Variants in EPS8L2 observed in about 807,000 individuals in gnomAD.
The protein encoded by EPS8L2 is epidermal growth factor receptor kinase substrate 8-like protein 2.
In EPS8L2, 81 loss-of-function variants were observed where a neutral mutation model predicts 99.4. That is an observed-to-expected ratio of 0.82 (90% CI 0.68 to 0.98). The LOEUF (loss-of-function observed/expected upper bound fraction) is 0.98. Among genes scored for constraint, EPS8L2 ranks in the 50% least tolerant of loss-of-function variants. The pLI is 0.00. For missense variants in EPS8L2, 1,155 were observed against 968.8 expected (o/e 1.19, Z -2.55); for synonymous variants, 509 against 407.3 (o/e 1.25, Z -3.01).
chr11:722,767 TG>T lies in EPS8L2; in HGVS notation c.1306del (p.Glu436ArgfsTer13). The T allele has an allele frequency of 6.2e-7, 1 of 1,601,432 alleles. No individual in the cohort carries two copies. Among genetic ancestry groups the T allele is most frequent in the Non-Finnish European group, 8.5e-7 (1 of 1,175,476 alleles). On this transcript the variant is annotated frameshift_variant, in exon 14 of 21. Coordinates refer to ENST00000318562, the MANE Select transcript of EPS8L2 (RefSeq NM_022772.4). LOFTEE classifies it high-confidence loss of function. ...TGTGGATGTGCTGCAGGAGGCCCCC[TG>T]GGAGGTGGAGGGGCTGGCGTCTGCC... ...PPVDVLQEAPWEVEGLASAPI... is the reference protein window; with the variant it reads ...PPVDVLQEAPXEVEGLASAPI...
Position 721,159 on chromosome 11 carries a change from C to T in EPS8L2, c.653C>T (p.Pro218Leu), listed in dbSNP as rs1354789697. The T allele has an allele frequency of 5.3e-5, 81 of 1,535,928 alleles. No homozygotes were observed. The highest frequency in any genetic ancestry group is 6.5e-5 in the Non-Finnish European group (74 of 1,143,532). The change falls in exon 8 of 21, where the codon CCG becomes CTG. Residue 218 changes from proline to leucine, a missense_variant. Physicochemically the swap from Pro to Leu is moderately conservative, Grantham distance 98. Transcript: ENST00000318562. Reference protein sequence around the residue: ...IPFQHRGGDSPEAKNRVGPQV... With the variant: ...IPFQHRGGDSLEAKNRVGPQV... ...TTCCAGCACCGCGGCGGGGATTCCC[C>T]GGAGGCCAAGAATCGCGTGGGCCCG... is the stretch of plus-strand genomic sequence containing the variant.
In EPS8L2 at chr11:722,010, G is replaced by A; in HGVS notation, c.984+19G>A. 2.5e-6 allele frequency: 4 copies of A among 1,606,602 alleles called. No homozygotes were observed. In the East Asian group the frequency reaches 6.7e-5, roughly 27 times the overall value. Reference sequence around the variant, plus strand: ...CTTGCTGGTGGGTCCGGTGGCCCCAGCCCTGCCCCACTGTCTGTGCTGAGG... The same window carrying A: ...CTTGCTGGTGGGTCCGGTGGCCCCAACCCTGCCCCACTGTCTGTGCTGAGG... On this transcript the variant is annotated intron_variant, in intron 11 of 20. Transcript: ENST00000318562.
At chr11:722,376 C>T (rs773416304) in intron 12 of EPS8L2, 25 bp from the exon 13 acceptor site, 3 of 1,608,154 alleles carry the variant, frequency 1.9e-6, no homozygotes, top group Non-Finnish European at 2.5e-6. Context: ...GGCCTCAGTC[C>T]CCTCTGAACC....
intron 1 of EPS8L2, chr11:706,571 C>T: frequency 6.6e-6 from 1 of 152,444 alleles, no homozygotes; most frequent in Non-Finnish European, 1.5e-5. Flanking sequence ...GGGTGACTCA[C>T]CTGCCCCGTC....
chr11:725,244 G>A (rs1193647777), intron 16 of EPS8L2, among the ~76,000 whole-genome samples: 6 of 152,242 alleles, frequency 3.9e-5, no homozygotes, highest in African/African-American at 7.2e-5. Context: ...CTGGCTCGGC[G>A]GCTCACGCCT....
chr11:723,545 T>C (rs575979334), intron 15 of EPS8L2, among the ~76,000 whole-genome samples, 192 bp downstream of exon 15: 119 of 152,254 alleles, frequency 7.8e-4, no homozygotes, highest in Non-Finnish European at 1.4e-3. Flanking sequence ...ATTTCAAAAG[T>C]CATGCACAAA....
intron 4 of EPS8L2, among the ~76,000 whole-genome samples, chr11:712,480 G>A (rs1446443163): frequency 2.0e-5 from 3 of 151,168 alleles, no homozygotes; most frequent in Non-Finnish European, 4.4e-5. Flanking sequence ...TGGGCTCCCG[G>A]TTGTCGTCCA....
chr11:726,769 C>G lies in EPS8L2; in HGVS notation c.2067+18C>G, dbSNP rs903535044. 3 of 1,584,016 alleles carry G rather than the reference C, an allele frequency of 1.9e-6. No individual in the cohort carries two copies. In the South Asian group the frequency reaches 3.4e-5, roughly 18 times the overall value. On this transcript the variant is annotated intron_variant, in intron 20 of 20. Coordinates refer to ENST00000318562, the MANE Select transcript of EPS8L2 (RefSeq NM_022772.4). Reference sequence around the variant, plus strand: ...TCCTGGAGGTGAGCCCGCCTGCGCTCCGGCGCCACGCCCCTCCTGCCCCTG... The same window carrying G: ...TCCTGGAGGTGAGCCCGCCTGCGCTGCGGCGCCACGCCCCTCCTGCCCCTG...
rs191801066 is a variant in EPS8L2 at position 718,604 on chromosome 11, C to T, written c.166-1458C>T. ...GGCTCAAGCATTCCTCCCACTTCAG[C>T]CTCCCAAGTAGCTGGGATGACAGGT... On this transcript the variant is annotated intron_variant, in intron 4 of 20. Transcript: ENST00000318562. Among the ~76,000 whole-genome samples, 893 of 151,640 alleles carry T rather than the reference C, an allele frequency of 5.9e-3. 4 individuals are homozygous for T. The highest frequency in any genetic ancestry group is 0.021 in the African/African-American group (859 of 41,364).
intron 1 of EPS8L2, chr11:708,850 G>C (rs1462371700): frequency 6.0e-6 from 1 of 165,958 alleles, no homozygotes; most frequent in East Asian, 1.9e-4. Flanking sequence ...GTGGCGGCTA[G>C]AGCCGGGCTC....
intron 3 of EPS8L2, chr11:710,208 G>T: frequency 1.8e-6 from 1 of 562,220 alleles, no homozygotes; most frequent in Admixed American, 3.0e-5. Context: ...CGCCTTCTCC[G>T]AGCTGCGTCC....
intron 4 of EPS8L2, among the ~76,000 whole-genome samples, chr11:717,170 T>G (rs973575320): frequency 6.6e-6 from 1 of 152,042 alleles, no homozygotes; most frequent in Non-Finnish European, 1.5e-5. Context: ...AGAGACGGGG[T>G]ATCACCGTGT....
Position 710,437 on chromosome 11 carries a change from A to G in EPS8L2, c.116A>G (p.Tyr39Cys), listed in dbSNP as rs1307175480. 6.2e-7 allele frequency: 1 copy of G among 1,613,536 alleles called. No individual in the cohort carries two copies. Among genetic ancestry groups the G allele is most frequent in the Non-Finnish European group, 8.5e-7 (1 of 1,179,952 alleles). Reference sequence around the variant, plus strand: ...CCCGGTTCAGAGCAGAGGAAGAAGTATTCCAACTCCAACGTCATCATGCAC... The same window carrying G: ...CCCGGTTCAGAGCAGAGGAAGAAGTGTTCCAACTCCAACGTCATCATGCAC... ...PKDLFEQRKK[Y>C]SNSNVIMHET... The change falls in exon 4 of 21, where the codon TAT becomes TGT. Residue 39 changes from tyrosine to cysteine, a missense_variant. Coordinates refer to ENST00000318562, the MANE Select transcript of EPS8L2 (RefSeq NM_022772.4).
rs368646016 is a variant in EPS8L2 at position 710,926 on chromosome 11, A to C, written c.165+440A>C. On this transcript the variant is annotated intron_variant, in intron 4 of 20. Coordinates refer to ENST00000318562, the MANE Select transcript of EPS8L2 (RefSeq NM_022772.4). ...GCGCCCCTCTGGTTCCAGTCCTGGGAACTCGCGGCCTGGGGGGTGAGGCAG... is the reference window on the plus strand; with the variant it reads ...GCGCCCCTCTGGTTCCAGTCCTGGGCACTCGCGGCCTGGGGGGTGAGGCAG... Among the ~76,000 whole-genome samples, 536 of 152,238 alleles carry C rather than the reference A, an allele frequency of 3.5e-3. 2 individuals are homozygous for C. The highest frequency in any genetic ancestry group is 0.012 in the African/African-American group (511 of 41,542).
chr11:720,250 G>T (rs1242643322), intron 5 of EPS8L2, 27 bp downstream of exon 5: 1 of 1,610,666 alleles, frequency 6.2e-7, no homozygotes, highest in South Asian at 1.1e-5. Context: ...CGGGGGACAG[G>T]GAGCACAGTG....
chr11:711,702 G>A (rs1421541091), intron 4 of EPS8L2, among the ~76,000 whole-genome samples: 3 of 152,016 alleles, frequency 2.0e-5, no homozygotes, highest in South Asian at 2.1e-4. Flanking sequence ...CAGAGTCTTA[G>A]GCCAGGCGCG....
chr11:709,728 T>C, intron 3 of EPS8L2, 120 bp downstream of exon 3: 10 of 1,237,752 alleles, frequency 8.1e-6, no homozygotes, highest in Non-Finnish European at 1.1e-5. Flanking sequence ...GATCTCCGGG[T>C]GCCCAGGGAG....
chr11:725,760 G>A lies in EPS8L2; in HGVS notation c.1593G>A (p.Leu531=). The A allele has an allele frequency of 3.7e-6, 5 of 1,348,308 alleles. No individual in the cohort carries two copies. In the South Asian group the frequency reaches 8.2e-5, roughly 22 times the overall value. 83.5% of individuals were successfully genotyped at this position (1,348,308 alleles called of 1,614,324 possible). A position where few individuals can be genotyped will look rare whatever the true frequency, so the allele number is the denominator to read the frequency against. The change falls in exon 17 of 21, where the codon CTG becomes CTA. Residue 531 remains leucine, a synonymous_variant. Coordinates refer to ENST00000318562, the MANE Select transcript of EPS8L2 (RefSeq NM_022772.4). The stretch of plus-strand genomic sequence containing the variant: ...AGGACGGCCGGCAGTGGTGGAAGCT[G>A]CGCAGCCGCAGCGGCCAGGCGGGGT... ...VLEDGRQWWK[L]RSRSGQAGYV...
Position 709,791 on chromosome 11 carries a change from C to T in EPS8L2, c.100+183C>T, listed in dbSNP as rs189295046. ...AAGCTCCTGGCCACTGGATCCCCTC[C>T]CCCACACCCGTAAGGGGAGAGGCCT... On this transcript the variant is annotated intron_variant, in intron 3 of 20. Coordinates refer to ENST00000318562, the MANE Select transcript of EPS8L2 (RefSeq NM_022772.4). The T allele has an allele frequency of 2.6e-5, 17 of 643,064 alleles. No homozygotes were observed. In the East Asian group the frequency reaches 3.8e-4, roughly 14 times the overall value. 39.8% of individuals were successfully genotyped at this position (643,064 alleles called of 1,614,324 possible). A position where few individuals can be genotyped will look rare whatever the true frequency, so the allele number is the denominator to read the frequency against.
Sources: allele counts gnomAD v4.1 joint callset (sites outside exome capture counted in the v4.1 genomes callset), GRCh38; gene constraint gnomAD v4.1.1; transcripts MANE v1.5; gene names NCBI Gene and HGNC (gene_info 2026-07-23, HGNC 2026-07-21).